Variants in CDH9 observed in about 807,000 individuals in gnomAD.
CDH9 encodes the protein cadherin-9.
In CDH9, 28 loss-of-function variants were observed where a neutral mutation model predicts 70.9. The ratio of observed to expected loss-of-function variants is 0.40; its 90% CI spans 0.29 to 0.54. The LOEUF (loss-of-function observed/expected upper bound fraction) is 0.54. Among genes scored for constraint, CDH9 ranks in the 20% least tolerant of loss-of-function variants. The probability of loss-of-function intolerance (pLI) is 0.59; values close to 1 mark genes in which losing one functional copy is unlikely to be tolerated. For missense variants in CDH9, 874 were observed against 984.4 expected (o/e 0.89, Z 1.50); for synonymous variants, 409 against 343.1 (o/e 1.19, Z -2.12).
chr5:27,012,982 T>G (rs1438912462), intron 1 of CDH9, among the ~76,000 whole-genome samples: 1 of 152,010 alleles, frequency 6.6e-6, no homozygotes, highest in Non-Finnish European at 1.5e-5. Context: ...TAGTCATTTA[T>G]TAGTGTTATA....
chr5:26,966,888 G>A (rs184467383), intron 2 of CDH9, among the ~76,000 whole-genome samples: 1 of 151,788 alleles, frequency 6.6e-6, no homozygotes, highest in Non-Finnish European at 1.5e-5. Flanking sequence ...TTGTCTACTT[G>A]TGTCTCATCT....
intron 2 of CDH9, among the ~76,000 whole-genome samples, chr5:26,922,121 G>A (rs764654741): frequency 6.6e-6 from 1 of 151,302 alleles, no homozygotes; most frequent in Non-Finnish European, 1.5e-5. Context: ...GGAAAATTAA[G>A]TTATTGGCCT....
intron 11 of CDH9, among the ~76,000 whole-genome samples, chr5:26,883,916 G>A (rs545285552): frequency 6.6e-6 from 1 of 152,078 alleles, no homozygotes; most frequent in African/African-American, 2.4e-5. Flanking sequence ...AAATATTATT[G>A]TCAGTGCTAT....
At chr5:26,988,529 G>T in intron 1 of CDH9, 147 bp from the exon 2 acceptor site, 1 of 585,940 alleles carries the variant, frequency 1.7e-6, no homozygotes, top group Non-Finnish European at 2.5e-6. Context: ...GAACGGTCAT[G>T]AAAAACTCAT....
chr5:26,942,127 A>G (rs1026983122), intron 2 of CDH9, among the ~76,000 whole-genome samples: 11 of 152,206 alleles, frequency 7.2e-5, no homozygotes, highest in South Asian at 2.1e-4. Flanking sequence ...AGGAAACACA[A>G]TCATGGTGGA....
rs187781529 is a variant in CDH9, at chr5:27,036,350, C to A, written c.-50+2113G>T. 5.6e-3 allele frequency among the ~76,000 whole-genome samples: 845 copies of A among 152,020 alleles called. 3 individuals are homozygous for A. The highest frequency in any genetic ancestry group is 9.7e-3 in the Admixed American group (148 of 15,226). ...GTTCAGATGAGCTTCTGATTCAACA[C>A]ACGATTTATCAAGTTGAGCAACACA... On this transcript the variant is annotated intron_variant, in intron 1 of 11. Transcript: ENST00000231021.
At chr5:26,937,012 A>G (rs531644907) in intron 2 of CDH9, among the ~76,000 whole-genome samples, 1 of 152,282 alleles carries the variant, frequency 6.6e-6, no homozygotes, top group African/African-American at 2.4e-5. Flanking sequence ...AGAATGATCC[A>G]TGAAAGAAAA....
chr5:26,978,442 A>C (rs2112081257), intron 2 of CDH9, among the ~76,000 whole-genome samples: 1 of 152,052 alleles, frequency 6.6e-6, no homozygotes, highest in East Asian at 1.9e-4. Context: ...AATAAATCTG[A>C]AAATAAATTT....
rs113857612 is a variant in CDH9 at position 26,934,096 on chromosome 5, G to A, written c.229-18172C>T. ...AGGCAAAGGAGAACAGGCATTGTATGGCAAGAAAGGAAGAAAGAGAGAGGG... is the reference window on the plus strand; with the variant it reads ...AGGCAAAGGAGAACAGGCATTGTATAGCAAGAAAGGAAGAAAGAGAGAGGG... On this transcript the variant is annotated intron_variant, in intron 2 of 11. Transcript: ENST00000231021. Among the ~76,000 whole-genome samples, 773 of 152,166 alleles carry A rather than the reference G, an allele frequency of 5.1e-3. 3 individuals carry two copies. The highest frequency in any genetic ancestry group is 0.018 in the African/African-American group (732 of 41,552).
chr5:26,975,089 A>G (rs1429408702), intron 2 of CDH9, among the ~76,000 whole-genome samples: 1 of 152,106 alleles, frequency 6.6e-6, no homozygotes, highest in Non-Finnish European at 1.5e-5. Flanking sequence ...ATCTGCCCTC[A>G]CTTTCTGATT....
At chr5:26,903,301 A>T (rs538535653) in intron 6 of CDH9, 13 of 373,770 alleles carry the variant, frequency 3.5e-5, no homozygotes, top group African/African-American at 2.1e-4. Context: ...ATATCATCAC[A>T]CTTACAATGA....
At chr5:26,897,630 A>C (rs1051403474) in intron 7 of CDH9, among the ~76,000 whole-genome samples, 1 of 152,204 alleles carries the variant, frequency 6.6e-6, no homozygotes, top group Non-Finnish European at 1.5e-5. Flanking sequence ...CTTTCATGCT[A>C]TAAACTTTCA....
intron 1 of CDH9, among the ~76,000 whole-genome samples, chr5:26,999,225 G>A (rs1022244174): frequency 2.0e-5 from 3 of 151,792 alleles, no homozygotes; most frequent in East Asian, 1.9e-4. Context: ...GTGACGGAGC[G>A]AGACTCCGTC....
chr5:26,891,426 C>T (rs1388632066), intron 7 of CDH9, among the ~76,000 whole-genome samples: 1 of 152,162 alleles, frequency 6.6e-6, no homozygotes, highest in African/African-American at 2.4e-5. Context: ...CGCCTGTAAT[C>T]CCAAAATTTT....
intron 1 of CDH9, among the ~76,000 whole-genome samples, chr5:26,995,829 TGTACTATAA>T (rs555943424): frequency 1.2e-4 from 19 of 152,238 alleles, no homozygotes; most frequent in South Asian, 6.2e-4. Context: ...TACTATCAGA[TGTACTATAA>T]AGTACAATGT....
chr5:26,971,152 A>G (rs1257107189), intron 2 of CDH9, among the ~76,000 whole-genome samples: 1 of 152,080 alleles, frequency 6.6e-6, no homozygotes, highest in Non-Finnish European at 1.5e-5. Flanking sequence ...TCTAGCCTTG[A>G]CCAGAAAGTC....
chr5:26,952,921 A>AAAAAAAAAAAAAAAAAAAAAAGC (rs1554000078), intron 2 of CDH9, among the ~76,000 whole-genome samples: 1 of 129,302 alleles, frequency 7.7e-6, no homozygotes, highest in Admixed American at 7.7e-5. Context: ...AAAAAAAAAA[A>AAAAAAAAAAAAAAAAAAAAAAGC]AGTTTAAAGA....
At chr5:26,983,801 T>TTATTTC (rs1365276949) in intron 2 of CDH9, among the ~76,000 whole-genome samples, 1 of 152,150 alleles carries the variant, frequency 6.6e-6, no homozygotes, top group Non-Finnish European at 1.5e-5. Flanking sequence ...ATTTGAGATT[T>TTATTTC]TATTTCTATT....
chr5:26,993,622 G>A (rs1356705892), intron 1 of CDH9, among the ~76,000 whole-genome samples: 1 of 139,998 alleles, frequency 7.1e-6, no homozygotes, highest in East Asian at 2.0e-4. Context: ...TGAAGAAGAA[G>A]GATATGGGAA....
Sources: allele counts gnomAD v4.1 joint callset (sites outside exome capture counted in the v4.1 genomes callset), GRCh38; gene constraint gnomAD v4.1.1; transcripts MANE v1.5; gene names NCBI Gene and HGNC (gene_info 2026-07-23, HGNC 2026-07-21).